Variants in RBFOX1 observed in about 807,000 individuals in gnomAD.
RBFOX1 encodes RNA binding fox-1 homolog 1.
A neutral mutation model predicts 57.7 loss-of-function variants in RBFOX1; 8 were observed. That is an observed-to-expected ratio of 0.14 (90% CI 0.08 to 0.25). RBFOX1 has a LOEUF of 0.25. Ranked by LOEUF, RBFOX1 falls within the 10% of genes least tolerant of loss-of-function variation. The pLI, the probability that RBFOX1 is intolerant of heterozygous loss-of-function variation, is 1.00. For synonymous variants in RBFOX1, 326 were observed against 222.4 expected (o/e 1.47, Z -4.15); for missense variants, 611 against 548.5 (o/e 1.11, Z -1.14).
chr16:5,566,090 C>G lies in RBFOX1; in HGVS notation c.259-32812C>G, dbSNP rs139902064. ...TCGCCTTTCGCCATGATTATGAGGC[C>G]TCCCCAGCCATGTGGAACTGGGAGT... On this transcript the variant is annotated intron_variant, in intron 2 of 2. Coordinates refer to the RBFOX1 transcript ENST00000585867. Among the ~76,000 whole-genome samples the G allele has an allele frequency of 6.4e-3, 968 of 152,228 alleles. 6 individuals carry two copies. The highest frequency in any genetic ancestry group is 0.022 in the African/African-American group (893 of 41,524).
At chr16:6,501,219 C>T (rs973538842) in intron 2 of RBFOX1, among the ~76,000 whole-genome samples, 3 of 148,424 alleles carry the variant, frequency 2.0e-5, no homozygotes, top group Non-Finnish European at 4.4e-5. Flanking sequence ...ATACATGTGC[C>T]ATGTTGGTGT....
At chr16:5,248,628 C>A (rs911827054) in intron 1 of RBFOX1, among the ~76,000 whole-genome samples, 1 of 152,070 alleles carries the variant, frequency 6.6e-6, no homozygotes. Flanking sequence ...GAGAGTGCAG[C>A]TCTGAAAGGG....
intron 1 of RBFOX1, among the ~76,000 whole-genome samples, chr16:6,259,653 A>G (rs1598908690): frequency 1.3e-5 from 2 of 152,126 alleles, no homozygotes; most frequent in East Asian, 3.9e-4. Flanking sequence ...TGTACGTAGA[A>G]CAAATAAAGA....
At chr16:5,785,461 C>G (rs766422388) in intron 3 of RBFOX1, among the ~76,000 whole-genome samples, 1 of 152,078 alleles carries the variant, frequency 6.6e-6, no homozygotes, top group South Asian at 2.1e-4. Context: ...TCTGTCCTAC[C>G]TTCTGTATAT....
chr16:7,128,623 G>C (rs953784069), intron 4 of RBFOX1, among the ~76,000 whole-genome samples: 4 of 152,110 alleles, frequency 2.6e-5, no homozygotes, highest in African/African-American at 9.7e-5. Flanking sequence ...GCTAGGAACT[G>C]ACACATTCTC....
chr16:5,360,506 C>A (rs1447085719), intron 1 of RBFOX1, among the ~76,000 whole-genome samples: 1 of 152,208 alleles, frequency 6.6e-6, no homozygotes, highest in South Asian at 2.1e-4. Context: ...AGTGCACCTT[C>A]CCGTTATACC....
At chr16:7,680,087 T>C (rs1486598550) in intron 14 of RBFOX1, among the ~76,000 whole-genome samples, 2 of 152,194 alleles carry the variant, frequency 1.3e-5, no homozygotes, top group Non-Finnish European at 2.9e-5. Context: ...ATCCGGTCAT[T>C]GCATGCCACT....
intron 1 of RBFOX1, among the ~76,000 whole-genome samples, chr16:5,247,748 AAC>A (rs749654702): frequency 6.6e-6 from 1 of 151,590 alleles, no homozygotes; most frequent in African/African-American, 2.4e-5. Context: ...CCTCGAGAGA[AAC>A]AAAAAAAATG....
At chr16:5,906,476 T>G (rs547768053) in intron 4 of RBFOX1, among the ~76,000 whole-genome samples, 1 of 152,308 alleles carries the variant, frequency 6.6e-6, no homozygotes, top group Non-Finnish European at 1.5e-5. Context: ...GAACCAAACC[T>G]GCCAACGCCT....
chr16:6,892,676 C>G (rs528882895), intron 3 of RBFOX1, among the ~76,000 whole-genome samples: 32 of 144,370 alleles, frequency 2.2e-4, no homozygotes, highest in African/African-American at 7.5e-4. Flanking sequence ...TCGAAACAAA[C>G]AAACAAAAAA....
chr16:7,212,692 C>G (rs7200795), intron 4 of RBFOX1, among the ~76,000 whole-genome samples: 1 of 152,018 alleles, frequency 6.6e-6, no homozygotes, highest in Non-Finnish European at 1.5e-5. Context: ...GAATAACTTA[C>G]GCTACATGAG....
At chr16:5,576,192 G>A (rs1040713427) in intron 2 of RBFOX1, among the ~76,000 whole-genome samples, 4 of 152,088 alleles carry the variant, frequency 2.6e-5, no homozygotes, top group African/African-American at 9.7e-5. Flanking sequence ...TTACCTTGTT[G>A]ATCAGGCTGT....
chr16:6,145,678 T>C (rs1039994841), intron 1 of RBFOX1, among the ~76,000 whole-genome samples: 2 of 152,196 alleles, frequency 1.3e-5, no homozygotes, highest in Non-Finnish European at 2.9e-5. Context: ...GAGTCTCTTG[T>C]ACCTTACCTG....
intron 2 of RBFOX1, among the ~76,000 whole-genome samples, chr16:5,567,974 G>A (rs1328705817): frequency 6.6e-6 from 1 of 152,204 alleles, no homozygotes; most frequent in African/African-American, 2.4e-5. Flanking sequence ...TTAGAACTCA[G>A]TGTCCTCTGA....
chr16:6,867,848 G>C (rs1348317836), intron 3 of RBFOX1, among the ~76,000 whole-genome samples: 1 of 152,140 alleles, frequency 6.6e-6, no homozygotes, highest in East Asian at 1.9e-4. Flanking sequence ...CCCCCTTTCT[G>C]CTGACAGGTG....
At chr16:6,273,867 A>T (rs2075505503) in intron 1 of RBFOX1, among the ~76,000 whole-genome samples, 1 of 152,142 alleles carries the variant, frequency 6.6e-6, no homozygotes, top group Non-Finnish European at 1.5e-5. Context: ...AACCAAAAAA[A>T]TCAAGCAGTG....
intron 2 of RBFOX1, among the ~76,000 whole-genome samples, chr16:6,650,133 A>G (rs897402288): frequency 1.3e-5 from 2 of 152,174 alleles, no homozygotes; most frequent in African/African-American, 4.8e-5. Flanking sequence ...TAATTTTTTG[A>G]GAAGCCTCCA....
chr16:6,539,840 C>G (rs1202406295), intron 2 of RBFOX1, among the ~76,000 whole-genome samples: 4 of 151,174 alleles, frequency 2.6e-5, no homozygotes, highest in Non-Finnish European at 5.9e-5. Flanking sequence ...CACACACAGA[C>G]TTTAGAATTA....
chr16:7,183,462 A>G lies in RBFOX1; in HGVS notation c.27+131364A>G, dbSNP rs1366754512. On this transcript the variant is annotated intron_variant, in intron 4 of 15. Transcript: ENST00000550418. Reference sequence around the variant, plus strand: ...TTTTATTTCTCTATTGTTATTAAATAGTGAAACCTTCGTTGGGTTCATCCA... The same window carrying G: ...TTTTATTTCTCTATTGTTATTAAATGGTGAAACCTTCGTTGGGTTCATCCA... Among the ~76,000 whole-genome samples the G allele has an allele frequency of 2.0e-5, 3 of 152,220 alleles. No individual in the cohort carries two copies. The East Asian group carries it at 5.8e-4, about 29-fold the overall frequency.
Sources: gnomAD v4.1 joint callset for allele counts (sites outside exome capture counted in the v4.1 genomes callset) on GRCh38, gnomAD v4.1.1 for gene constraint, MANE v1.5 for transcripts, NCBI Gene and HGNC (gene_info 2026-07-23, HGNC 2026-07-21) for gene names.